SIRPG: variants seen among roughly 807,000 people sequenced by gnomAD.
SIRPG encodes the protein signal regulatory protein gamma, also known as signal-regulatory protein gamma.
SIRPG carries 38 observed loss-of-function variants against 35.7 expected under a neutral mutation model. The ratio of observed to expected loss-of-function variants is 1.06; its 90% CI spans 0.82 to 1.40. SIRPG has a LOEUF of 1.40. Among genes scored for constraint, SIRPG ranks in the 40% most tolerant of loss-of-function variants. The probability of loss-of-function intolerance (pLI) is 0.00; values close to 1 mark genes in which losing one functional copy is unlikely to be tolerated. For synonymous variants in SIRPG, 215 were observed against 190.4 expected (o/e 1.13, Z -1.06); for missense variants, 519 against 483.0 (o/e 1.07, Z -0.70).
intron 2 of SIRPG, among the ~76,000 whole-genome samples, chr20:1,641,199 T>G (rs2122489793): frequency 6.6e-6 from 1 of 152,338 alleles, no homozygotes; most frequent in Non-Finnish European, 1.5e-5. Context: ...AGCTCCTCGT[T>G]GTACCTCTGG....
chr20:1,679,338 C>T, the SIRPG span, among the ~76,000 whole-genome samples: 4 of 152,296 alleles, frequency 2.6e-5, no homozygotes, highest in Non-Finnish European at 4.4e-5. Flanking sequence ...AAGCTGTGAG[C>T]ACCCTACCAA....
At chr20:1,683,211 C>T in the SIRPG span, among the ~76,000 whole-genome samples, 1 of 152,158 alleles carries the variant, frequency 6.6e-6, no homozygotes, top group African/African-American at 2.4e-5. Context: ...CATCTCACAC[C>T]TGTTAGAATG....
intron 4 of SIRPG, among the ~76,000 whole-genome samples, chr20:1,634,294 C>T (rs571618211): frequency 4.1e-4 from 62 of 151,260 alleles, no homozygotes; most frequent in African/African-American, 1.5e-3. Context: ...GCAAGCTCCG[C>T]CTCCTGGGTT....
the SIRPG span, among the ~76,000 whole-genome samples, chr20:1,670,418 C>A: frequency 1.3e-5 from 2 of 152,154 alleles, no homozygotes; most frequent in African/African-American, 4.8e-5. Context: ...CTAAGCACAA[C>A]GCCCAGCACA....
the SIRPG span, among the ~76,000 whole-genome samples, chr20:1,670,622 G>C: frequency 6.6e-6 from 1 of 152,104 alleles, no homozygotes; most frequent in African/African-American, 2.4e-5. Flanking sequence ...AAACTATCTA[G>C]CATAGAGCTT....
At chr20:1,659,442 T>C (rs909623514), upstream of SIRPG, among the ~76,000 whole-genome samples, 1 of 152,252 alleles carries the variant, frequency 6.6e-6, no homozygotes, top group South Asian at 2.1e-4. Context: ...TATGAATCAA[T>C]GTCTAATTAC....
At position 1,630,210 on chromosome 20, in the gene SIRPG, C is replaced by T. The variant is rs1278296128; in HGVS notation, c.*2+12G>A. 1.4e-5 allele frequency: 21 copies of T among 1,549,486 alleles called. No individual in the cohort carries two copies. The highest frequency in any genetic ancestry group is 1.8e-5 in the Non-Finnish European group (21 of 1,142,448). Reference sequence around the variant, plus strand: ...GACAGCCCTTGGTCTGTCCTCCCTTCCTTGTACTTACAGTCAGGTCTTCTG... The same window carrying T: ...GACAGCCCTTGGTCTGTCCTCCCTTTCTTGTACTTACAGTCAGGTCTTCTG... On this transcript the variant is annotated intron_variant, in intron 5 of 5. Transcript: ENST00000303415.
At chr20:1,631,648 T>C (rs2091751282) in intron 4 of SIRPG, among the ~76,000 whole-genome samples, 1 of 152,260 alleles carries the variant, frequency 6.6e-6, no homozygotes, top group East Asian at 1.9e-4. Context: ...CTCTAAAATA[T>C]AAATTTGAAG....
chr20:1,669,687 C>T, the SIRPG span, among the ~76,000 whole-genome samples: 3,303 of 152,212 alleles, frequency 0.022, 111 homozygotes, highest in African/African-American at 0.075. Flanking sequence ...AGATGATCTC[C>T]CTGCATCTCT....
chr20:1,682,813 G>T, the SIRPG span, among the ~76,000 whole-genome samples: 2 of 152,236 alleles, frequency 1.3e-5, no homozygotes, highest in African/African-American at 4.8e-5. Flanking sequence ...CTAGATATCA[G>T]CCCAAAAGCA....
intron 1 of SIRPG, among the ~76,000 whole-genome samples, chr20:1,650,328 A>C (rs1452720469): frequency 6.6e-6 from 1 of 152,100 alleles, no homozygotes; most frequent in Non-Finnish European, 1.5e-5. Context: ...TGCTCAAGGA[A>C]GTAAAGGAAA....
At chr20:1,676,125 G>A in the SIRPG span, among the ~76,000 whole-genome samples, 1 of 152,174 alleles carries the variant, frequency 6.6e-6, no homozygotes, top group Non-Finnish European at 1.5e-5. Context: ...CATCAACTGG[G>A]AACTTGCGTC....
the SIRPG span, among the ~76,000 whole-genome samples, chr20:1,679,455 A>C: frequency 6.6e-6 from 1 of 151,502 alleles, no homozygotes; most frequent in African/African-American, 2.4e-5. Flanking sequence ...ATACCAGTGA[A>C]TCCATCATGG....
chr20:1,663,130 A>G, the SIRPG span, among the ~76,000 whole-genome samples: 2 of 152,050 alleles, frequency 1.3e-5, no homozygotes, highest in Admixed American at 6.5e-5. Flanking sequence ...TGGCTACCAC[A>G]GTGAAACCCC....
At chr20:1,680,623 A>T in the SIRPG span, among the ~76,000 whole-genome samples, 1 of 152,244 alleles carries the variant, frequency 6.6e-6, no homozygotes, top group Non-Finnish European at 1.5e-5. Flanking sequence ...AGCAGATAAT[A>T]GTTATTCCTG....
chr20:1,649,284 C>T lies in SIRPG; in HGVS notation c.198G>A (p.Trp66Ter), dbSNP rs148010539. Residue 66 changes from tryptophan to a stop codon, truncating the protein, a stop_gained, in exon 2 of 6, where the codon TGG (tryptophan) becomes TGA (stop). Transcript: ENST00000303415. LOFTEE classifies it high-confidence loss of function. ...TSLLPVGPVL[W>*]FRGVGPGREL... Reference sequence around the variant, plus strand: ...CCCGGCCTGGTCCAACTCCTCTGAACCACAGGACGGGTCCCACGGGAAGCA... The same window carrying T: ...CCCGGCCTGGTCCAACTCCTCTGAATCACAGGACGGGTCCCACGGGAAGCA... 1.5e-3 allele frequency: 2,412 copies of T among 1,614,098 alleles called. 4 individuals carry two copies. The highest frequency in any genetic ancestry group is 1.9e-3 in the Non-Finnish European group (2,216 of 1,180,020).
intron 2 of SIRPG, chr20:1,647,339 C>T (rs2091905252): frequency 6.6e-6 from 1 of 152,350 alleles, no homozygotes; most frequent in South Asian, 2.1e-4. Context: ...TGAGTCACAC[C>T]TGAGCTACTT....
intron 2 of SIRPG, chr20:1,646,649 T>C (rs1294532957): frequency 6.5e-6 from 1 of 152,728 alleles, no homozygotes; most frequent in Non-Finnish European, 1.5e-5. Flanking sequence ...TTCATTTGTT[T>C]TGTTTTGTTT....
At chr20:1,635,139 G>C (rs1295014420) in intron 4 of SIRPG, 128 bp downstream of exon 4, 3 of 691,768 alleles carry the variant, frequency 4.3e-6, no homozygotes, top group Admixed American at 2.9e-5. Context: ...GTGGGATTTG[G>C]GGGGATGGAG....
Sources: allele counts gnomAD v4.1 joint callset (sites outside exome capture counted in the v4.1 genomes callset), GRCh38; gene constraint gnomAD v4.1.1; transcripts MANE v1.5; gene names NCBI Gene and HGNC (gene_info 2026-07-23, HGNC 2026-07-21).